The following CADM2 variants were observed in gnomAD, a reference collection of about 807,000 sequenced individuals.
The protein encoded by CADM2 is cell adhesion molecule 2.
Under a neutral mutation model 49.8 loss-of-function variants are expected in CADM2, and 12 were observed. That is an observed-to-expected ratio of 0.24 (90% confidence interval 0.15 to 0.39). The LOEUF (loss-of-function observed/expected upper bound fraction) is 0.39, where lower values mean the gene tolerates loss of function less well. Among genes scored for constraint, CADM2 ranks in the 10% least tolerant of loss-of-function variants. CADM2 has a pLI of 1.00. For missense variants in CADM2, 378 were observed against 492.3 expected (o/e 0.77, Z 2.20); for synonymous variants, 214 against 175.4 (o/e 1.22, Z -1.74).
intron 1 of CADM2, among the ~76,000 whole-genome samples, chr3:85,486,210 C>G (rs1050166230): frequency 6.6e-6 from 1 of 151,972 alleles, no homozygotes; most frequent in Non-Finnish European, 1.5e-5. Flanking sequence ...TTCTTTCATC[C>G]CTAAGTATTA....
intron 1 of CADM2, among the ~76,000 whole-genome samples, chr3:85,577,849 G>T (rs2062680036): frequency 6.6e-6 from 1 of 151,858 alleles, no homozygotes; most frequent in Admixed American, 6.6e-5. Context: ...GACAAATGGA[G>T]AACAAGTATA....
At chr3:85,444,379 G>A (rs973644519) in intron 1 of CADM2, among the ~76,000 whole-genome samples, 4 of 151,656 alleles carry the variant, frequency 2.6e-5, no homozygotes, top group Non-Finnish European at 5.9e-5. Flanking sequence ...TTTATAAGTT[G>A]TCCAAACTCA....
intron 1 of CADM2, among the ~76,000 whole-genome samples, chr3:85,186,566 G>A (rs143303573): frequency 2.0e-5 from 3 of 152,148 alleles, no homozygotes; most frequent in African/African-American, 7.2e-5. Flanking sequence ...ACACAGGGCA[G>A]TGCTTCTAAA....
chr3:85,851,882 T>C lies in CADM2; in HGVS notation c.239-31409T>C, dbSNP rs142846960. On this transcript the variant is annotated intron_variant, in intron 3 of 9. Coordinates refer to ENST00000383699, the MANE Select transcript of CADM2 (RefSeq NM_001167675.2). ...GTGATGGGGATGCTATTTGGTGAGT[T>C]AATGAAGAATGAAGGAGAACAAATG... 6.6e-5 allele frequency among the ~76,000 whole-genome samples: 10 copies of C among 152,108 alleles called. No individual in the cohort carries two copies. The East Asian group carries it at 1.9e-3, about 29-fold the overall frequency.
At chr3:85,266,257 G>C in intron 1 of CADM2, among the ~76,000 whole-genome samples, 1 of 151,834 alleles carries the variant, frequency 6.6e-6, no homozygotes, top group East Asian at 1.9e-4. Context: ...CAAACTTGGA[G>C]ATACTACTCT....
At chr3:85,144,874 A>T (rs2039690941) in intron 1 of CADM2, among the ~76,000 whole-genome samples, 1 of 152,232 alleles carries the variant, frequency 6.6e-6, no homozygotes, top group Non-Finnish European at 1.5e-5. Context: ...TAAATACATC[A>T]AATCATAAAT....
chr3:85,899,840 T>C (rs1356035126), intron 5 of CADM2, among the ~76,000 whole-genome samples: 3 of 152,190 alleles, frequency 2.0e-5, no homozygotes, highest in Non-Finnish European at 4.4e-5. Context: ...TCCTTTCAAA[T>C]AGATCTTGTC....
At chr3:85,126,420 G>T (rs1450427422) in intron 1 of CADM2, among the ~76,000 whole-genome samples, 1 of 152,012 alleles carries the variant, frequency 6.6e-6, no homozygotes, top group Non-Finnish European at 1.5e-5. Flanking sequence ...TGTTAGTGTT[G>T]TGGGGAAAAA....
chr3:85,749,694 G>A (rs2068784532), intron 2 of CADM2, among the ~76,000 whole-genome samples: 1 of 152,010 alleles, frequency 6.6e-6, no homozygotes, highest in African/African-American at 2.4e-5. Context: ...GTAGTAACAT[G>A]ACAATCACTA....
At chr3:85,388,589 T>G (rs1420258419) in intron 1 of CADM2, among the ~76,000 whole-genome samples, 2 of 152,124 alleles carry the variant, frequency 1.3e-5, no homozygotes, top group Admixed American at 1.3e-4. Context: ...TCATTTTAAT[T>G]TTTTTCACAA....
intron 1 of CADM2, among the ~76,000 whole-genome samples, chr3:85,075,561 C>T (rs1226727398): frequency 6.6e-6 from 1 of 152,046 alleles, no homozygotes; most frequent in Non-Finnish European, 1.5e-5. Context: ...ACTATTTTAA[C>T]TTGTTTGTGG....
intron 1 of CADM2, among the ~76,000 whole-genome samples, chr3:85,686,608 A>G (rs2048181174): frequency 6.6e-6 from 1 of 152,190 alleles, no homozygotes; most frequent in African/African-American, 2.4e-5. Context: ...TCCAGTTTAT[A>G]TGATCTAATA....
At chr3:85,559,070 T>A (rs776197877) in intron 1 of CADM2, among the ~76,000 whole-genome samples, 11 of 152,120 alleles carry the variant, frequency 7.2e-5, no homozygotes, top group Non-Finnish European at 1.3e-4. Context: ...CTAGATTATT[T>A]TTAAATACCT....
intron 1 of CADM2, among the ~76,000 whole-genome samples, chr3:85,195,337 C>A (rs1294981016): frequency 6.6e-6 from 1 of 151,972 alleles, no homozygotes; most frequent in Admixed American, 6.6e-5. Context: ...CGTTTTCTAT[C>A]TTTCTGGGTC....
At chr3:85,412,397 G>T (rs764517101) in intron 1 of CADM2, among the ~76,000 whole-genome samples, 33 of 152,074 alleles carry the variant, frequency 2.2e-4, no homozygotes, top group Non-Finnish European at 3.7e-4. Context: ...TAACTTAACT[G>T]TAGAAATTTA....
chr3:86,029,167 G>C (rs1373291974), intron 8 of CADM2, among the ~76,000 whole-genome samples: 2 of 152,142 alleles, frequency 1.3e-5, no homozygotes, highest in African/African-American at 4.8e-5. Flanking sequence ...GCTGAGAAGT[G>C]ACACTTACCT....
At chr3:85,069,571 T>C (rs945884889) in intron 1 of CADM2, among the ~76,000 whole-genome samples, 4 of 152,150 alleles carry the variant, frequency 2.6e-5, no homozygotes, top group Non-Finnish European at 5.9e-5. Flanking sequence ...TTCCCTTTTA[T>C]AATAATTTTG....
intron 1 of CADM2, among the ~76,000 whole-genome samples, chr3:85,022,865 A>T (rs556878011): frequency 6.6e-6 from 1 of 152,272 alleles, no homozygotes; most frequent in Admixed American, 6.5e-5. Context: ...GTATCCATTA[A>T]GACTCTGAAG....
At chr3:85,942,364 A>G (rs1722035070) in intron 7 of CADM2, among the ~76,000 whole-genome samples, 1 of 151,832 alleles carries the variant, frequency 6.6e-6, no homozygotes, top group Non-Finnish European at 1.5e-5. Context: ...CTTAAGTTCT[A>G]GGGTACATGT....
Sources: gnomAD v4.1 joint callset for allele counts (sites outside exome capture counted in the v4.1 genomes callset) on GRCh38, gnomAD v4.1.1 for gene constraint, MANE v1.5 for transcripts, NCBI Gene and HGNC (gene_info 2026-07-23, HGNC 2026-07-21) for gene names.